Variants in DNAJC1 observed in about 807,000 individuals in gnomAD.
DNAJC1 encodes dnaJ homolog subfamily C member 1.
A neutral mutation model predicts 76.6 loss-of-function variants in DNAJC1; 58 were observed. The observed-to-expected ratio is 0.76, with a 90% CI of 0.61 to 0.94. DNAJC1 has a LOEUF of 0.94. Among genes scored for constraint, DNAJC1 ranks in the 40% least tolerant of loss-of-function variants. The probability of loss-of-function intolerance (pLI) is 0.00; values close to 1 mark genes in which losing one functional copy is unlikely to be tolerated. For synonymous variants in DNAJC1, 258 were observed against 267.9 expected (o/e 0.96, Z 0.36); for missense variants, 689 against 677.3 (o/e 1.02, Z -0.19).
chr10:21,802,541 T>G (rs143639318), intron 9 of DNAJC1, among the ~76,000 whole-genome samples: 11 of 152,232 alleles, frequency 7.2e-5, no homozygotes, highest in African/African-American at 2.6e-4. Flanking sequence ...ATGGGCTACA[T>G]ATATAACTAC....
At chr10:21,838,744 G>C (rs977170693) in intron 8 of DNAJC1, among the ~76,000 whole-genome samples, 1 of 152,140 alleles carries the variant, frequency 6.6e-6, no homozygotes, top group Non-Finnish European at 1.5e-5. Context: ...TCTTCAACAA[G>C]CAGACCTAAC....
At chr10:21,830,589 T>G (rs1835340218) in intron 8 of DNAJC1, among the ~76,000 whole-genome samples, 1 of 152,232 alleles carries the variant, frequency 6.6e-6, no homozygotes, top group Admixed American at 6.5e-5. Flanking sequence ...TCCTGTTCAG[T>G]ATACTATGTA....
intron 9 of DNAJC1, among the ~76,000 whole-genome samples, chr10:21,781,291 T>C (rs757351583): frequency 6.6e-6 from 1 of 152,286 alleles, no homozygotes; most frequent in East Asian, 1.9e-4. Flanking sequence ...TATACATTCT[T>C]CTCAGCAACA....
chr10:21,789,073 T>C (rs568607959), intron 9 of DNAJC1, among the ~76,000 whole-genome samples: 1 of 152,262 alleles, frequency 6.6e-6, no homozygotes, highest in South Asian at 2.1e-4. Context: ...TTAGCCACTG[T>C]GGCAGCTGCT....
rs538134602 is a variant in DNAJC1, at chr10:21,782,209, A to G, written c.1099-15900T>C. On this transcript the variant is annotated intron_variant, in intron 9 of 11. Coordinates refer to ENST00000376980, the MANE Select transcript of DNAJC1 (RefSeq NM_022365.4). ...TGCAATAAAAAATGATAAAGGGGAT[A>G]TCACCACTGATCCCAGAGAAATACT... Among the ~76,000 whole-genome samples, 3 of 152,338 alleles carry G rather than the reference A, an allele frequency of 2.0e-5. No individual in the cohort carries two copies. In the East Asian group the frequency reaches 5.8e-4, roughly 29 times the overall value.
intron 8 of DNAJC1, among the ~76,000 whole-genome samples, chr10:21,828,283 T>A (rs1197075123): frequency 6.6e-6 from 1 of 152,230 alleles, no homozygotes; most frequent in East Asian, 1.9e-4. Context: ...ACTATTATGA[T>A]ACTCATTTAA....
chr10:21,785,694 C>T (rs1488005344), intron 9 of DNAJC1: 1 of 152,082 alleles, frequency 6.6e-6, no homozygotes, highest in Non-Finnish European at 1.5e-5. Flanking sequence ...GCCACCTGGA[C>T]ATCAGAGGAA....
At position 21,949,404 on chromosome 10, in the gene DNAJC1, CCTT is replaced by C. The variant is rs1353769762; in HGVS notation, c.223-20266_223-20264del. On this transcript the variant is annotated intron_variant, in intron 1 of 11. Coordinates refer to ENST00000376980, the MANE Select transcript of DNAJC1 (RefSeq NM_022365.4). Reference sequence around the variant, plus strand: ...CTTGCCCTTCCCCCTCCCCCCACCCCCTTCTTCTTTTTTTTTTTTTTTTTTTTT... The same window carrying C: ...CTTGCCCTTCCCCCTCCCCCCACCCCCTTCTTTTTTTTTTTTTTTTTTTTT... 4.4e-5 allele frequency among the ~76,000 whole-genome samples: 5 copies of C among 113,274 alleles called. No individual in the cohort carries two copies. In the East Asian group the frequency reaches 1.6e-3, roughly 36 times the overall value. 74.3% of individuals were successfully genotyped at this position (113,274 alleles called of 152,430 possible).
chr10:21,864,657 A>G (rs1835968239), intron 8 of DNAJC1, among the ~76,000 whole-genome samples: 1 of 152,076 alleles, frequency 6.6e-6, no homozygotes, highest in South Asian at 2.1e-4. Context: ...ACTTCTAGAA[A>G]GAAACAGAAG....
At chr10:21,838,207 G>C (rs1477240054) in intron 8 of DNAJC1, among the ~76,000 whole-genome samples, 1 of 152,230 alleles carries the variant, frequency 6.6e-6, no homozygotes, top group Non-Finnish European at 1.5e-5. Flanking sequence ...GGAAAAGATA[G>C]AGAAATCAGA....
At chr10:21,834,199 GC>G (rs777213310) in intron 8 of DNAJC1, among the ~76,000 whole-genome samples, 20 of 152,148 alleles carry the variant, frequency 1.3e-4, no homozygotes, top group Non-Finnish European at 2.9e-4. Flanking sequence ...GGGAGGTGGA[GC>G]TTGCAGTGAG....
At chr10:21,848,510 C>A (rs950430799) in intron 8 of DNAJC1, among the ~76,000 whole-genome samples, 2 of 152,138 alleles carry the variant, frequency 1.3e-5, no homozygotes, top group African/African-American at 4.8e-5. Context: ...CTAAAAAAAT[C>A]TTTGCCCAGA....
At chr10:21,859,789 CT>C (rs879267257) in intron 8 of DNAJC1, among the ~76,000 whole-genome samples, 45 of 146,246 alleles carry the variant, frequency 3.1e-4, no homozygotes, top group Admixed American at 6.9e-4. Context: ...AAAAAGTCAA[CT>C]TTTTTTTTTT....
intron 9 of DNAJC1, among the ~76,000 whole-genome samples, chr10:21,800,404 A>G (rs1390519530): frequency 2.6e-5 from 4 of 152,204 alleles, no homozygotes; most frequent in African/African-American, 9.6e-5. Context: ...TTCTTGAACT[A>G]AGCAGCTTCT....
intron 1 of DNAJC1, among the ~76,000 whole-genome samples, chr10:21,939,271 A>C (rs1837364539): frequency 6.6e-6 from 1 of 152,196 alleles, no homozygotes; most frequent in African/African-American, 2.4e-5. Flanking sequence ...AAGATAATCT[A>C]CCTGGCTATC....
At chr10:21,791,333 C>T (rs1045556065) in intron 9 of DNAJC1, among the ~76,000 whole-genome samples, 5 of 152,144 alleles carry the variant, frequency 3.3e-5, no homozygotes, top group Non-Finnish European at 7.4e-5. Flanking sequence ...ACAGATCATT[C>T]AGACAGGAAA....
intron 8 of DNAJC1, among the ~76,000 whole-genome samples, chr10:21,862,420 TTAC>T (rs1835930230): frequency 6.7e-6 from 1 of 150,344 alleles, no homozygotes. Context: ...ATACCATCTG[TTAC>T]TACATTTTTT....
intron 8 of DNAJC1, among the ~76,000 whole-genome samples, chr10:21,849,983 TC>T (rs1165350710): frequency 1.3e-5 from 2 of 151,884 alleles, no homozygotes; most frequent in African/African-American, 4.8e-5. Flanking sequence ...ATAATAGAGG[TC>T]ATTTGTGGAG....
At chr10:21,903,823 G>A (rs1180571502) in intron 7 of DNAJC1, among the ~76,000 whole-genome samples, 1 of 151,976 alleles carries the variant, frequency 6.6e-6, no homozygotes, top group Non-Finnish European at 1.5e-5. Context: ...GTGGGGGGTT[G>A]GAAATCAGAT....
Sources: gnomAD v4.1 joint callset for allele counts (sites outside exome capture counted in the v4.1 genomes callset) on GRCh38, gnomAD v4.1.1 for gene constraint, MANE v1.5 for transcripts, NCBI Gene and HGNC (gene_info 2026-07-23, HGNC 2026-07-21) for gene names.